The following CDYL variants were observed in gnomAD, a reference collection of about 807,000 sequenced individuals.
The protein encoded by CDYL is chromodomain Y like.
Under a neutral mutation model 47.3 loss-of-function variants are expected in CDYL, and 8 were observed. That is an observed-to-expected ratio of 0.17 (90% CI 0.10 to 0.31). The LOEUF is 0.31. CDYL is among the 10% of genes least tolerant of loss of function. CDYL has a pLI of 1.00. For synonymous variants in CDYL, 266 were observed against 265.0 expected (o/e 1.00, Z -0.04); for missense variants, 471 against 701.4 (o/e 0.67, Z 3.71).
chr6:4,949,973 G>A (rs1339526453), intron 5 of CDYL, among the ~76,000 whole-genome samples: 1 of 152,132 alleles, frequency 6.6e-6, no homozygotes, highest in Non-Finnish European at 1.5e-5. Flanking sequence ...GGAGAACACC[G>A]AAGGTAGGGA....
At chr6:4,920,677 G>A (rs1757685880) in intron 2 of CDYL, among the ~76,000 whole-genome samples, 1 of 152,168 alleles carries the variant, frequency 6.6e-6, no homozygotes, top group Admixed American at 6.5e-5. Context: ...GGAGTGTACT[G>A]GTGTGATCTC....
At chr6:4,807,989 G>A (rs534564082) in intron 1 of CDYL, among the ~76,000 whole-genome samples, 5 of 151,840 alleles carry the variant, frequency 3.3e-5, no homozygotes, top group South Asian at 2.1e-4. Flanking sequence ...TCAGATTGTC[G>A]TAGCTTTGGT....
intron 1 of CDYL, among the ~76,000 whole-genome samples, chr6:4,840,975 C>T (rs2127458835): frequency 6.6e-6 from 1 of 152,214 alleles, no homozygotes; most frequent in South Asian, 2.1e-4. Context: ...GGAATAGTGT[C>T]AATAGGATTG....
intron 1 of CDYL, among the ~76,000 whole-genome samples, chr6:4,845,830 G>A (rs544056108): frequency 2.8e-4 from 42 of 152,232 alleles, no homozygotes; most frequent in African/African-American, 8.4e-4. Flanking sequence ...AGGCCATGCC[G>A]AAACAGGTGG....
intron 2 of CDYL, among the ~76,000 whole-genome samples, chr6:4,912,231 GA>G (rs1479202578): frequency 1.1e-4 from 1 of 8,704 alleles, no homozygotes. Flanking sequence ...TCCAAGTTGG[GA>G]ATTTTTTTTT....
chr6:4,752,513 A>C (rs1031561665), intron 3 of CDYL, among the ~76,000 whole-genome samples: 13 of 152,170 alleles, frequency 8.5e-5, no homozygotes, highest in African/African-American at 2.9e-4. Flanking sequence ...AAATCAGGAT[A>C]ATATTGACTA....
intron 2 of CDYL, among the ~76,000 whole-genome samples, chr6:4,734,590 A>G (rs986101956): frequency 2.0e-5 from 3 of 151,752 alleles, no homozygotes; most frequent in African/African-American, 4.9e-5. Context: ...TTTTGCATTC[A>G]GAATTCTCTA....
chr6:4,946,294 G>A (rs1322094463), intron 5 of CDYL, among the ~76,000 whole-genome samples: 1 of 152,156 alleles, frequency 6.6e-6, no homozygotes, highest in African/African-American at 2.4e-5. Flanking sequence ...ACACGCCTCT[G>A]TCCAGGACAC....
At chr6:4,885,064 G>C (rs1412998447) in intron 1 of CDYL, among the ~76,000 whole-genome samples, 1 of 152,106 alleles carries the variant, frequency 6.6e-6, no homozygotes, top group Non-Finnish European at 1.5e-5. Flanking sequence ...TGTGATCACA[G>C]CTCACTGTAG....
chr6:4,882,607 A>G (rs1052179776), intron 1 of CDYL, among the ~76,000 whole-genome samples: 2 of 152,180 alleles, frequency 1.3e-5, no homozygotes, highest in African/African-American at 4.8e-5. Context: ...GGACTTGTTA[A>G]GGCAGAAGGC....
intron 2 of CDYL, among the ~76,000 whole-genome samples, chr6:4,908,516 T>C (rs146449011): frequency 1.6e-3 from 241 of 152,320 alleles, no homozygotes; most frequent in African/African-American, 5.5e-3. Context: ...TAGCTACTTA[T>C]TGAAAATACC....
At chr6:4,928,137 C>T (rs1369924989) in intron 2 of CDYL, among the ~76,000 whole-genome samples, 1 of 152,128 alleles carries the variant, frequency 6.6e-6, no homozygotes, top group Non-Finnish European at 1.5e-5. Context: ...TGTCTTCCTG[C>T]TAAATCTTCA....
chr6:4,886,451 G>A (rs145817456), intron 1 of CDYL, among the ~76,000 whole-genome samples: 1 of 152,298 alleles, frequency 6.6e-6, no homozygotes, highest in African/African-American at 2.4e-5. Flanking sequence ...TTGTGGTTGT[G>A]ATGTGCATTT....
chr6:4,838,876 G>A (rs1435475987), intron 1 of CDYL, among the ~76,000 whole-genome samples: 2 of 151,966 alleles, frequency 1.3e-5, no homozygotes, highest in South Asian at 2.1e-4. Flanking sequence ...TAGTAGAGAC[G>A]GGGTTTCACC....
chr6:4,921,363 C>A (rs571505427), intron 2 of CDYL, among the ~76,000 whole-genome samples: 1 of 152,342 alleles, frequency 6.6e-6, no homozygotes, highest in Non-Finnish European at 1.5e-5. Flanking sequence ...TCCACTTGCC[C>A]TTCCCGTAGG....
intron 2 of CDYL, among the ~76,000 whole-genome samples, chr6:4,925,651 C>T (rs180987004): frequency 1.5e-4 from 23 of 152,158 alleles, no homozygotes; most frequent in Middle Eastern, 3.4e-3. Flanking sequence ...CTCCTGCCCT[C>T]GTGATCCGCC....
chr6:4,859,755 C>G (rs1761110556), intron 1 of CDYL, among the ~76,000 whole-genome samples: 1 of 152,126 alleles, frequency 6.6e-6, no homozygotes, highest in Non-Finnish European at 1.5e-5. Flanking sequence ...TTGCCAGCAC[C>G]AGCTCTCCTG....
chr6:4,824,560 T>C (rs1355608675), intron 1 of CDYL, among the ~76,000 whole-genome samples: 1 of 152,212 alleles, frequency 6.6e-6, no homozygotes, highest in African/African-American at 2.4e-5. Context: ...CATTTTTCAT[T>C]GGGTTATTTG....
chr6:4,863,040 T>C (rs1761217725), intron 1 of CDYL, among the ~76,000 whole-genome samples: 1 of 152,250 alleles, frequency 6.6e-6, no homozygotes, highest in South Asian at 2.1e-4. Context: ...AATGAAATTA[T>C]GTTCTTTGCA....
Sources: gnomAD v4.1 joint callset for allele counts (sites outside exome capture counted in the v4.1 genomes callset) on GRCh38, gnomAD v4.1.1 for gene constraint, MANE v1.5 for transcripts, NCBI Gene and HGNC (gene_info 2026-07-23, HGNC 2026-07-21) for gene names.